Variants in CDH13 observed in about 807,000 individuals in gnomAD.
The protein encoded by CDH13 is cadherin-13.
In CDH13, 24 loss-of-function variants were observed where a neutral mutation model predicts 63.8. The ratio of observed to expected loss-of-function variants is 0.38; its 90% CI spans 0.27 to 0.53. CDH13 has a LOEUF of 0.53. Among genes scored for constraint, CDH13 ranks in the 20% least tolerant of loss-of-function variants. The pLI, the probability that CDH13 is intolerant of heterozygous loss-of-function variation, is 0.85. For missense variants in CDH13, 1,049 were observed against 903.1 expected (o/e 1.16, Z -2.07); for synonymous variants, 503 against 355.3 (o/e 1.42, Z -4.67).
intron 2 of CDH13, among the ~76,000 whole-genome samples, chr16:82,938,577 A>AGACACTGGTCCAGTGGG (rs1479940550): frequency 2.6e-5 from 4 of 152,296 alleles, no homozygotes; most frequent in Admixed American, 6.5e-5. Flanking sequence ...CCAGAGTCTA[A>AGACACTGGTCCAGTGGG]GACACTGGTC....
chr16:83,389,836 C>A (rs148204252), intron 6 of CDH13, among the ~76,000 whole-genome samples: 1 of 152,326 alleles, frequency 6.6e-6, no homozygotes, highest in African/African-American at 2.4e-5. Flanking sequence ...TCAGCAGCAG[C>A]AGAAGAGTTG....
chr16:82,678,598 T>A (rs908691316), intron 1 of CDH13, among the ~76,000 whole-genome samples: 1 of 152,094 alleles, frequency 6.6e-6, no homozygotes, highest in South Asian at 2.1e-4. Context: ...GTAAGGAGGG[T>A]GAATCTCTGC....
intron 5 of CDH13, among the ~76,000 whole-genome samples, chr16:83,279,597 C>T (rs907980476): frequency 6.6e-6 from 1 of 152,108 alleles, no homozygotes; most frequent in African/African-American, 2.4e-5. Context: ...TCGAAATTAT[C>T]CTGGAAGGAA....
intron 7 of CDH13, among the ~76,000 whole-genome samples, chr16:83,518,893 A>G (rs1220211060): frequency 6.6e-6 from 1 of 152,158 alleles, no homozygotes; most frequent in African/African-American, 2.4e-5. Flanking sequence ...AAGCCTCTGC[A>G]TTCATGCTGA....
chr16:82,812,279 C>G (rs1464433023), intron 1 of CDH13, among the ~76,000 whole-genome samples: 2 of 152,058 alleles, frequency 1.3e-5, no homozygotes, highest in Non-Finnish European at 2.9e-5. Context: ...GGGGCTGGGA[C>G]AGTAGAGGAG....
chr16:83,136,055 G>A (rs1343106344), intron 4 of CDH13, among the ~76,000 whole-genome samples: 9 of 151,824 alleles, frequency 5.9e-5, no homozygotes, highest in Admixed American at 5.9e-4. Context: ...ATAAAAGACT[G>A]TAAACAGGAT....
chr16:83,060,554 C>T (rs898781841), intron 3 of CDH13, among the ~76,000 whole-genome samples: 4 of 152,116 alleles, frequency 2.6e-5, no homozygotes, highest in South Asian at 2.1e-4. Context: ...CCCAGAGAGG[C>T]AGTCGAGGTG....
intron 5 of CDH13, among the ~76,000 whole-genome samples, chr16:83,278,647 G>C (rs1466523712): frequency 6.6e-6 from 1 of 152,174 alleles, no homozygotes; most frequent in South Asian, 2.1e-4. Context: ...GTTTACTCTG[G>C]ATCCTGGCAA....
chr16:83,577,254 G>A (rs1377880695), intron 7 of CDH13, among the ~76,000 whole-genome samples: 1 of 152,212 alleles, frequency 6.6e-6, no homozygotes, highest in Non-Finnish European at 1.5e-5. Flanking sequence ...TGTGTCCACT[G>A]ACCAAGTCCC....
At chr16:83,153,820 C>T (rs1015556361) in intron 4 of CDH13, among the ~76,000 whole-genome samples, 14 of 152,056 alleles carry the variant, frequency 9.2e-5, no homozygotes, top group African/African-American at 1.7e-4. Flanking sequence ...TGTGGCATTT[C>T]GGTTTTTTGT....
intron 1 of CDH13, among the ~76,000 whole-genome samples, chr16:82,801,796 T>C (rs2036867341): frequency 6.6e-6 from 1 of 151,704 alleles, no homozygotes; most frequent in Non-Finnish European, 1.5e-5. Flanking sequence ...CAGGTGTAGA[T>C]TGGGTCAGGA....
At chr16:83,092,772 T>C (rs541309029) in intron 3 of CDH13, among the ~76,000 whole-genome samples, 1 of 152,204 alleles carries the variant, frequency 6.6e-6, no homozygotes, top group Non-Finnish European at 1.5e-5. Context: ...GCCGATCTTA[T>C]CTAGATTCAC....
At chr16:83,573,471 G>C (rs977698016) in intron 7 of CDH13, among the ~76,000 whole-genome samples, 5 of 152,186 alleles carry the variant, frequency 3.3e-5, no homozygotes. Flanking sequence ...ACCAGCACTT[G>C]TGACACATGC....
chr16:83,341,989 C>CCACACACACACACA (rs756844839), intron 5 of CDH13, among the ~76,000 whole-genome samples: 3,812 of 137,914 alleles, frequency 0.028, 70 homozygotes, highest in Non-Finnish European at 0.032. Context: ...GTGTCCCCTG[C>CCACACACACACACA]CACACACACA....
chr16:83,525,829 G>A (rs1387445098), intron 7 of CDH13, among the ~76,000 whole-genome samples: 2 of 152,248 alleles, frequency 1.3e-5, no homozygotes, highest in East Asian at 1.9e-4. Context: ...AGAAGAGAAC[G>A]GGACAGATTG....
At chr16:82,895,695 T>C (rs2041231472) in intron 2 of CDH13, among the ~76,000 whole-genome samples, 1 of 152,092 alleles carries the variant, frequency 6.6e-6, no homozygotes, top group Non-Finnish European at 1.5e-5. Flanking sequence ...CTCCCTTTTT[T>C]TTTTTTTAAA....
At chr16:83,483,681 C>T (rs2073824770) in intron 6 of CDH13, among the ~76,000 whole-genome samples, 1 of 152,218 alleles carries the variant, frequency 6.6e-6, no homozygotes, top group South Asian at 2.1e-4. Flanking sequence ...GGGGTTAAGG[C>T]CTCCTCCTAT....
intron 10 of CDH13, among the ~76,000 whole-genome samples, chr16:83,738,182 T>G (rs1462267144): frequency 6.6e-6 from 1 of 152,242 alleles, no homozygotes; most frequent in Non-Finnish European, 1.5e-5. Context: ...ATTACTAATT[T>G]ATATCCTGTC....
intron 4 of CDH13, among the ~76,000 whole-genome samples, chr16:83,134,908 C>A (rs939143608): frequency 1.3e-5 from 2 of 152,148 alleles, no homozygotes; most frequent in Non-Finnish European, 2.9e-5. Context: ...ATATTTTTAA[C>A]CCTGAGTTTA....
Sources: allele counts gnomAD v4.1 joint callset (sites outside exome capture counted in the v4.1 genomes callset), GRCh38; gene constraint gnomAD v4.1.1; transcripts MANE v1.5; gene names NCBI Gene and HGNC (gene_info 2026-07-23, HGNC 2026-07-21).